The following DDX42 variants were observed in gnomAD, a reference collection of about 807,000 sequenced individuals.
The protein encoded by DDX42 is DEAD-box helicase 42.
In DDX42, 22 loss-of-function variants were observed where a neutral mutation model predicts 101.5. That is an observed-to-expected ratio of 0.22 (90% confidence interval 0.15 to 0.31). The LOEUF (loss-of-function observed/expected upper bound fraction) is 0.31, where lower values mean the gene tolerates loss of function less well. Ranked by LOEUF, DDX42 falls within the 10% of genes least tolerant of loss-of-function variation. The pLI, the probability that DDX42 is intolerant of heterozygous loss-of-function variation, is 1.00. For synonymous variants in DDX42, 402 were observed against 401.2 expected, an observed-to-expected ratio of 1.00 and a Z score of -0.02; for missense variants, 849 against 1,199.9, an observed-to-expected ratio of 0.71 and a Z score of 4.32.
chr17:63,803,165 A>G (rs1031528303), intron 6 of DDX42, among the ~76,000 whole-genome samples: 3 of 152,266 alleles, frequency 2.0e-5, no homozygotes, highest in Non-Finnish European at 4.4e-5. Context: ...AGCTCAACTC[A>G]AAATACATGA....
intron 8 of DDX42, 53 bp from the exon 9 acceptor site, chr17:63,807,671 G>T: frequency 6.5e-7 from 1 of 1,538,826 alleles, no homozygotes; most frequent in Non-Finnish European, 8.8e-7. Context: ...ATTTGCTTCA[G>T]TACATCTTTA....
chr17:63,808,800 T>C lies in DDX42; in HGVS notation c.1024-20T>C, dbSNP rs751110204. 3.1e-6 allele frequency: 5 copies of C among 1,613,004 alleles called. No homozygotes were observed. Among genetic ancestry groups the C allele is most frequent in the East Asian group, 4.5e-5 (2 of 44,866 alleles). ...TTGTTAGTGTCACAGTTTGTTAATA[T>C]ATTATTCACAACTTTGTAGATCCAT... is the stretch of plus-strand genomic sequence containing the variant. On this transcript the variant is annotated intron_variant, in intron 9 of 17. Transcript: ENST00000389924.
chr17:63,805,333 T>A, intron 7 of DDX42, 158 bp downstream of exon 7: 1 of 880,314 alleles, frequency 1.1e-6, no homozygotes, highest in African/African-American at 1.8e-5. Context: ...TCATGTCTCT[T>A]AATTTGATTG....
intron 3 of DDX42, among the ~76,000 whole-genome samples, chr17:63,795,437 AG>A (rs1473694872): frequency 6.6e-6 from 1 of 152,248 alleles, no homozygotes; most frequent in African/African-American, 2.4e-5. Context: ...TCAAATTCCT[AG>A]GCTCAAGTGA....
chr17:63,778,520 T>A (rs1004817044), intron 1 of DDX42, among the ~76,000 whole-genome samples: 1 of 152,252 alleles, frequency 6.6e-6, no homozygotes, highest in African/African-American at 2.4e-5. Context: ...ACTCTGAGTA[T>A]GGCTGCATCT....
rs953141530 is a variant in DDX42 at position 63,776,217 on chromosome 17, C to T, written c.-17+1841C>T. 10 of 152,350 alleles carry T rather than the reference C, an allele frequency of 6.6e-5. No homozygotes were observed. In the East Asian group the frequency reaches 1.9e-3, roughly 29 times the overall value. 9.4% of individuals were successfully genotyped at this position (152,350 alleles called of 1,614,324 possible). A position where few individuals can be genotyped will look rare whatever the true frequency, so the allele number is the denominator to read the frequency against. On this transcript the variant is annotated intron_variant, in intron 1 of 17. Transcript: ENST00000389924. ...ATTTAGATCATATCTTATTTTCCGCCATTGCCGAAAACACAAACTAGCTAA... is the reference window on the plus strand; with the variant it reads ...ATTTAGATCATATCTTATTTTCCGCTATTGCCGAAAACACAAACTAGCTAA...
chr17:63,795,683 C>G (rs2039684671), intron 3 of DDX42, among the ~76,000 whole-genome samples: 2 of 152,102 alleles, frequency 1.3e-5, no homozygotes, highest in Admixed American at 6.6e-5. Context: ...ACTTAGTTCT[C>G]TATCAGATAT....
At chr17:63,815,077 T>TG (rs1273105663) in intron 15 of DDX42, among the ~76,000 whole-genome samples, 1 of 152,242 alleles carries the variant, frequency 6.6e-6, no homozygotes, top group Non-Finnish European at 1.5e-5. Flanking sequence ...AATTTTCAGT[T>TG]GTGTGGCTAC....
chr17:63,783,051 T>C (rs908838484), intron 1 of DDX42, among the ~76,000 whole-genome samples: 3 of 152,218 alleles, frequency 2.0e-5, no homozygotes, highest in Non-Finnish European at 4.4e-5. Flanking sequence ...TTTGATCTAA[T>C]GCCTCTTGAG....
chr17:63,811,286 TG>T (rs1371692316), intron 13 of DDX42, 113 bp downstream of exon 13: 4 of 790,066 alleles, frequency 5.1e-6, no homozygotes, highest in Non-Finnish European at 7.6e-6. Context: ...TGTTTATAGA[TG>T]CAACATGCTT....
intron 13 of DDX42, 88 bp downstream of exon 13, chr17:63,811,261 A>C: frequency 9.8e-7 from 1 of 1,017,448 alleles, no homozygotes; most frequent in Non-Finnish European, 1.4e-6. Flanking sequence ...ATTGAGATAA[A>C]AAAAAAAGAT....
chr17:63,795,195 G>T (rs765255856), intron 3 of DDX42, among the ~76,000 whole-genome samples: 2 of 152,162 alleles, frequency 1.3e-5, no homozygotes, highest in African/African-American at 2.4e-5. Context: ...TACTAAGTCT[G>T]TGTTTTTGTG....
chr17:63,807,952 C>A (rs1208217975), intron 9 of DDX42, 52 bp downstream of exon 9: 2 of 1,536,082 alleles, frequency 1.3e-6, no homozygotes, highest in Non-Finnish European at 1.8e-6. Context: ...AGCAAGGGAC[C>A]AGCCAGTCAA....
rs147193329 is a variant in DDX42, at chr17:63,775,577, G to A, written c.-17+1201G>A. Among the ~76,000 whole-genome samples, 36 of 152,282 alleles carry A rather than the reference G, an allele frequency of 2.4e-4. 1 individual carries two copies. In the East Asian group the frequency reaches 6.7e-3, roughly 29 times the overall value. On this transcript the variant is annotated intron_variant, in intron 1 of 17. Transcript: ENST00000389924. ...AAGCGGACTAGAAGGTGGAGTGAGA[G>A]CCTACGTTTATCTGGGGAAAGGAAC...
At position 63,776,834 on chromosome 17, in the gene DDX42, C is replaced by G. The variant is rs143321801; in HGVS notation, c.-17+2458C>G. Among the ~76,000 whole-genome samples the G allele has an allele frequency of 2.6e-3, 403 of 152,252 alleles. 2 individuals are homozygous for G. Among genetic ancestry groups the G allele is most frequent in the African/African-American group, 9.3e-3 (387 of 41,556 alleles). On this transcript the variant is annotated intron_variant, in intron 1 of 17. Coordinates refer to ENST00000389924, the MANE Select transcript of DDX42 (RefSeq NM_203499.3). The stretch of plus-strand genomic sequence containing the variant: ...TAAATAACTTCCCTGAGGTTCATAT[C>G]AAGTTAGTAGCAAAGATAGTTTACA...
chr17:63,803,232 A>G (rs115168482), intron 6 of DDX42, among the ~76,000 whole-genome samples: 142 of 152,348 alleles, frequency 9.3e-4, no homozygotes, highest in African/African-American at 3.0e-3. Flanking sequence ...ATGGTTTCAG[A>G]TTACACAATG....
At chr17:63,801,873 C>T (rs982311826) in intron 6 of DDX42, among the ~76,000 whole-genome samples, 7 of 152,040 alleles carry the variant, frequency 4.6e-5, no homozygotes, top group South Asian at 2.1e-4. Flanking sequence ...ATGAGGACAT[C>T]GGTATACCCA....
chr17:63,797,117 C>A (rs1050023698), intron 3 of DDX42, among the ~76,000 whole-genome samples: 1 of 151,978 alleles, frequency 6.6e-6, no homozygotes, highest in Non-Finnish European at 1.5e-5. Context: ...TTGCCTAGGC[C>A]GGGCGCGGTG....
intron 1 of DDX42, among the ~76,000 whole-genome samples, chr17:63,785,975 T>C (rs1469962237): frequency 6.6e-6 from 1 of 152,240 alleles, no homozygotes; most frequent in Non-Finnish European, 1.5e-5. Flanking sequence ...AGGATGAAGA[T>C]ATTTAGTCTT....
Sources: gnomAD v4.1 joint callset for allele counts (sites outside exome capture counted in the v4.1 genomes callset) on GRCh38, gnomAD v4.1.1 for gene constraint, MANE v1.5 for transcripts, NCBI Gene and HGNC (gene_info 2026-07-23, HGNC 2026-07-21) for gene names.